ADARB2: variants seen among roughly 807,000 people sequenced by gnomAD.
ADARB2 encodes adenosine deaminase RNA specific B2 (inactive), also known as inactive double-stranded RNA-specific editase B2.
In ADARB2, 25 loss-of-function variants were observed where a neutral mutation model predicts 62.2. The ratio of observed to expected loss-of-function variants is 0.40; its 90% CI spans 0.29 to 0.56. The LOEUF (loss-of-function observed/expected upper bound fraction) is 0.56. Ranked by LOEUF, ADARB2 falls within the 20% of genes least tolerant of loss-of-function variation. The pLI, the probability that ADARB2 is intolerant of heterozygous loss-of-function variation, is 0.43. For missense variants in ADARB2, 1,071 were observed against 1,077.4 expected, an observed-to-expected ratio of 0.99 and a Z score of 0.08; for synonymous variants, 572 against 500.8, an observed-to-expected ratio of 1.14 and a Z score of -1.90.
chr10:1,481,639 A>AT (rs1831471933), intron 1 of ADARB2, among the ~76,000 whole-genome samples: 2 of 19,260 alleles, frequency 1.0e-4, no homozygotes, highest in Non-Finnish European at 6.5e-3. Flanking sequence ...TGTGCGGATC[A>AT]CGAGGTCAGG....
intron 1 of ADARB2, among the ~76,000 whole-genome samples, chr10:1,609,756 C>T (rs1201114193): frequency 3.3e-5 from 5 of 152,220 alleles, no homozygotes; most frequent in African/African-American, 7.2e-5. Flanking sequence ...CTACTGGGCC[C>T]GGGTGAGCTG....
chr10:1,694,791 G>A (rs1016211165), intron 1 of ADARB2, among the ~76,000 whole-genome samples: 7 of 152,212 alleles, frequency 4.6e-5, no homozygotes, highest in African/African-American at 1.7e-4. Context: ...CAGAGCCGAG[G>A]GAGGGAGGGT....
At chr10:1,683,957 G>A (rs552426667) in intron 1 of ADARB2, among the ~76,000 whole-genome samples, 4 of 152,312 alleles carry the variant, frequency 2.6e-5, no homozygotes, top group African/African-American at 4.8e-5. Context: ...GGGTGGCTCC[G>A]GTGTGCGTGA....
chr10:1,444,377 T>TC (rs1399426531), intron 1 of ADARB2, among the ~76,000 whole-genome samples: 2 of 139,048 alleles, frequency 1.4e-5, no homozygotes, highest in African/African-American at 5.4e-5. Context: ...CATCCATCCA[T>TC]TCACCATCCA....
chr10:1,327,611 T>A (rs1342625613), intron 3 of ADARB2, among the ~76,000 whole-genome samples: 10 of 62,116 alleles, frequency 1.6e-4, no homozygotes, highest in African/African-American at 2.7e-4. Context: ...GCCTCCTCAC[T>A]GCCCAGCGCC....
At chr10:1,710,106 G>A (rs1834932654) in intron 1 of ADARB2, among the ~76,000 whole-genome samples, 1 of 152,192 alleles carries the variant, frequency 6.6e-6, no homozygotes, top group African/African-American at 2.4e-5. Context: ...GTTCACAGTT[G>A]AGCGGAAAGG....
In ADARB2 at chr10:1,183,238, C is replaced by A; in HGVS notation, c.2175G>T (p.Trp725Cys). Residue 725 changes from tryptophan to cysteine, a missense_variant, in exon 10 of 10, where the codon TGG (tryptophan) becomes TGT (cysteine). Transcript: ENST00000381312. ...KAFQKAGLGT[W>C]VRKPPEQQQF... ...GCTGCTGCTCCGGTGGTTTCCTCAC[C>A]CAGGTGCCCAGGCCAGCCTTCTGAA... The A allele has an allele frequency of 6.2e-7, 1 of 1,613,940 alleles. No individual in the cohort carries two copies. Among genetic ancestry groups the A allele is most frequent in the Non-Finnish European group, 8.5e-7 (1 of 1,180,006 alleles).
intron 1 of ADARB2, among the ~76,000 whole-genome samples, chr10:1,609,098 C>A (rs751146279): frequency 6.6e-6 from 1 of 152,158 alleles, no homozygotes; most frequent in Non-Finnish European, 1.5e-5. Context: ...GCCTGGTGCC[C>A]GGCGTCGCTG....
chr10:1,505,264 C>T (rs1428868762), intron 1 of ADARB2, among the ~76,000 whole-genome samples: 4 of 152,286 alleles, frequency 2.6e-5, no homozygotes, highest in African/African-American at 4.8e-5. Flanking sequence ...CTGTGTGCCT[C>T]GCATTGCCCC....
chr10:1,330,379 G>C (rs550805651), intron 3 of ADARB2, among the ~76,000 whole-genome samples: 5 of 152,240 alleles, frequency 3.3e-5, no homozygotes, highest in Non-Finnish European at 7.4e-5. Flanking sequence ...ATTTATAGAG[G>C]ATCTATAAAT....
chr10:1,441,830 A>T (rs1182235294), intron 1 of ADARB2, among the ~76,000 whole-genome samples: 1 of 152,232 alleles, frequency 6.6e-6, no homozygotes, highest in Non-Finnish European at 1.5e-5. Flanking sequence ...TTGAGCTTAG[A>T]GAAATTAAGA....
chr10:1,690,691 C>T (rs145853720), intron 1 of ADARB2, among the ~76,000 whole-genome samples: 1,594 of 152,286 alleles, frequency 0.01, 11 homozygotes, highest in Middle Eastern at 0.017. Context: ...GCTTTGCACA[C>T]CCCACGTCGA....
intron 4 of ADARB2, among the ~76,000 whole-genome samples, chr10:1,268,173 T>G (rs1208890981): frequency 6.6e-6 from 1 of 152,172 alleles, no homozygotes; most frequent in Non-Finnish European, 1.5e-5. Context: ...AGATGTTATC[T>G]AGAACTGAAA....
chr10:1,580,946 C>T (rs1234868226), intron 1 of ADARB2, among the ~76,000 whole-genome samples: 3 of 152,214 alleles, frequency 2.0e-5, no homozygotes, highest in African/African-American at 2.4e-5. Flanking sequence ...CACCATCGTG[C>T]GGATGAAGCC....
chr10:1,209,146 C>T (rs1404492096), intron 7 of ADARB2, among the ~76,000 whole-genome samples: 4 of 152,136 alleles, frequency 2.6e-5, no homozygotes, highest in South Asian at 2.1e-4. Flanking sequence ...ACAAACGACT[C>T]GTTCAGTGAT....
chr10:1,467,066 T>C (rs1035242996), intron 1 of ADARB2, among the ~76,000 whole-genome samples: 2 of 151,828 alleles, frequency 1.3e-5, no homozygotes, highest in Non-Finnish European at 2.9e-5. Context: ...CTCTCTCGCT[T>C]TCTCTCCCCT....
At chr10:1,685,515 C>A (rs1281567795) in intron 1 of ADARB2, among the ~76,000 whole-genome samples, 1 of 152,104 alleles carries the variant, frequency 6.6e-6, no homozygotes, top group Non-Finnish European at 1.5e-5. Context: ...GGTGCTGAAT[C>A]CTTGGGAAAA....
intron 1 of ADARB2, among the ~76,000 whole-genome samples, chr10:1,533,197 C>T (rs1014722423): frequency 5.3e-5 from 8 of 151,716 alleles, no homozygotes; most frequent in Admixed American, 4.6e-4. Flanking sequence ...CGGCTCACTG[C>T]AACCTCTGCC....
At chr10:1,404,335 AC>A (rs1257099456) in intron 1 of ADARB2, among the ~76,000 whole-genome samples, 1 of 152,152 alleles carries the variant, frequency 6.6e-6, no homozygotes, top group African/African-American at 2.4e-5. Flanking sequence ...ACCACTGGGG[AC>A]CTGATGGGGC....
Sources: allele counts gnomAD v4.1 joint callset (sites outside exome capture counted in the v4.1 genomes callset), GRCh38; gene constraint gnomAD v4.1.1; transcripts MANE v1.5; gene names NCBI Gene and HGNC (gene_info 2026-07-23, HGNC 2026-07-21).